Variants in PCDH15 observed in about 807,000 individuals in gnomAD.
The protein encoded by PCDH15 is protocadherin related 15, also known as protocadherin-15.
Under a neutral mutation model 178.5 loss-of-function variants are expected in PCDH15, and 129 were observed. That is an observed-to-expected ratio of 0.72 (90% CI 0.63 to 0.84). The LOEUF is 0.84. PCDH15 is among the 40% of genes least tolerant of loss of function. The pLI is 0.00. For synonymous variants in PCDH15, 800 were observed against 732.0 expected (o/e 1.09, Z -1.50); for missense variants, 2,230 against 2,099.9 (o/e 1.06, Z -1.21).
chr10:53,888,821 TC>T lies in PCDH15; in HGVS notation c.3501+14421del, dbSNP rs2081360254. 2.7e-5 allele frequency among the ~76,000 whole-genome samples: 4 copies of T among 148,824 alleles called. No individual in the cohort carries two copies. In the South Asian group the frequency reaches 8.5e-4, roughly 31 times the overall value. On this transcript the variant is annotated intron_variant, in intron 26 of 37. Transcript: ENST00000644397. ...AAAAATAAGCAGAAGACTTACACTA[TC>T]AGATATTATAAAACTATAGTAATTC...
At chr10:55,197,126 A>T (rs1840114739) in intron 1 of PCDH15, among the ~76,000 whole-genome samples, 1 of 152,006 alleles carries the variant, frequency 6.6e-6, no homozygotes, top group Admixed American at 6.5e-5. Context: ...AAACAATTTT[A>T]TTTAGCTTAA....
In PCDH15 at chr10:54,377,975, T is replaced by C. The variant is rs146250110; in HGVS notation, c.318+807A>G. On this transcript the variant is annotated intron_variant, in intron 4 of 37. Transcript: ENST00000644397. ...GCTCTGCTGTCCTGGCTGGAGTGCA[T>C]TGGTGTGATCATAGTTCACTGCAGC... Among the ~76,000 whole-genome samples the C allele has an allele frequency of 6.0e-3, 919 of 152,074 alleles. 6 individuals carry two copies. The highest frequency in any genetic ancestry group is 0.021 in the African/African-American group (890 of 41,504).
At chr10:54,685,235 C>T (rs987051716) in intron 1 of PCDH15, among the ~76,000 whole-genome samples, 1 of 152,004 alleles carries the variant, frequency 6.6e-6, no homozygotes, top group Non-Finnish European at 1.5e-5. Flanking sequence ...TGGAATATCT[C>T]TTGAAGAACC....
chr10:55,355,654 G>A (rs1407447585), intron 2 of PCDH15, among the ~76,000 whole-genome samples: 1 of 151,752 alleles, frequency 6.6e-6, no homozygotes, highest in Admixed American at 6.6e-5. Context: ...CAATTCTCTT[G>A]TTAATATGTG....
chr10:54,838,896 T>C (rs1953368497), intron 3 of PCDH15, among the ~76,000 whole-genome samples: 1 of 152,120 alleles, frequency 6.6e-6, no homozygotes, highest in South Asian at 2.1e-4. Flanking sequence ...CCAGACAGGA[T>C]TCATGCCCAC....
At position 54,183,497 on chromosome 10, in the gene PCDH15, A is replaced by C. The variant is rs876657951; in HGVS notation, c.1537T>G (p.Ser513Ala). The change falls in exon 13 of 38, where the codon TCC becomes GCC. Residue 513 changes from serine (S) to alanine (A), a missense_variant. Physicochemically the swap from Ser to Ala is moderately conservative, Grantham distance 99 (BLOSUM62 1). Transcript: ENST00000644397. ...NDNTPTFPEI[S>A]YDVYVYTDMR... Reference sequence around the variant, plus strand: ...TCTGTATAAACATACACATCATAGGATATTTCAGGGAAGGTTGGCGTGTTA... The same window carrying C: ...TCTGTATAAACATACACATCATAGGCTATTTCAGGGAAGGTTGGCGTGTTA... The C allele has an allele frequency of 1.2e-6, 2 of 1,613,722 alleles. No individual in the cohort carries two copies. The highest frequency in any genetic ancestry group is 1.7e-6 in the Non-Finnish European group (2 of 1,179,778).
rs541721141 is a variant in PCDH15 at position 54,767,398 on chromosome 10, G to A, written c.-29+33527C>T. ...TAAGTGTTTAGATCAATTAATAAATGAGGGAGTAGAGGAAAAGCCTCCCAT... is the reference window on the plus strand; with the variant it reads ...TAAGTGTTTAGATCAATTAATAAATAAGGGAGTAGAGGAAAAGCCTCCCAT... On this transcript the variant is annotated intron_variant, in intron 1 of 37. Transcript: ENST00000644397. Among the ~76,000 whole-genome samples the A allele has an allele frequency of 1.7e-4, 26 of 152,208 alleles. No individual in the cohort carries two copies. In the South Asian group the frequency reaches 5.4e-3, roughly 32 times the overall value.
intron 2 of PCDH15, among the ~76,000 whole-genome samples, chr10:55,119,066 T>A (rs1837699141): frequency 6.6e-6 from 1 of 152,166 alleles, no homozygotes; most frequent in Admixed American, 6.5e-5. Context: ...TGGTTTACCA[T>A]CACATCCTTT....
chr10:54,570,994 G>T (rs1449062041), intron 2 of PCDH15, among the ~76,000 whole-genome samples: 4 of 151,800 alleles, frequency 2.6e-5, no homozygotes, highest in Non-Finnish European at 5.9e-5. Context: ...TTGCAGCCCT[G>T]ATGATGAATT....
chr10:54,394,398 C>G (rs539714223), intron 3 of PCDH15, among the ~76,000 whole-genome samples: 1 of 151,988 alleles, frequency 6.6e-6, no homozygotes, highest in Non-Finnish European at 1.5e-5. Flanking sequence ...TAAACCTGGG[C>G]GTCCAGGGGA....
At chr10:55,057,010 T>A (rs1841324088) in intron 2 of PCDH15, among the ~76,000 whole-genome samples, 1 of 152,140 alleles carries the variant, frequency 6.6e-6, no homozygotes, top group Non-Finnish European at 1.5e-5. Flanking sequence ...TCCCCTATAT[T>A]TAATCACAAT....
intron 1 of PCDH15, among the ~76,000 whole-genome samples, chr10:54,708,815 T>A (rs1432685630): frequency 6.9e-6 from 1 of 144,814 alleles, no homozygotes; most frequent in Non-Finnish European, 1.5e-5. Context: ...CGCGCGTGCG[T>A]GTGGTCATCT....
intron 1 of PCDH15, among the ~76,000 whole-genome samples, chr10:55,299,273 G>T (rs929049146): frequency 1.3e-5 from 2 of 152,042 alleles, no homozygotes; most frequent in Non-Finnish European, 2.9e-5. Context: ...TCTCATGGAG[G>T]TCATTAAAAT....
intron 2 of PCDH15, among the ~76,000 whole-genome samples, chr10:54,998,753 T>C (rs1298851467): frequency 6.6e-6 from 1 of 152,186 alleles, no homozygotes; most frequent in Non-Finnish European, 1.5e-5. Context: ...CTAAATTTGC[T>C]ATTCTGTTTA....
chr10:54,065,908 T>C (rs1032441381), intron 18 of PCDH15, among the ~76,000 whole-genome samples: 4 of 152,162 alleles, frequency 2.6e-5, no homozygotes, highest in Non-Finnish European at 1.5e-5. Flanking sequence ...GTTATAAGAA[T>C]AGCAGAACAG....
chr10:53,959,190 T>C lies in PCDH15; in HGVS notation c.3122+542A>G, dbSNP rs191000462. On this transcript the variant is annotated intron_variant, in intron 23 of 37. Coordinates refer to ENST00000644397, the MANE Select transcript of PCDH15 (RefSeq NM_001384140.1). ...TGTATATATAGTGTGTATATATATA[T>C]ACACACAGTATATATATAAATTTAT... Among the ~76,000 whole-genome samples, 416 of 148,744 alleles carry C rather than the reference T, an allele frequency of 2.8e-3. 3 individuals are homozygous for C. Among genetic ancestry groups the C allele is most frequent in the African/African-American group, 9.3e-3 (381 of 40,754 alleles).
intron 31 of PCDH15, 84 bp downstream of exon 31, chr10:53,828,481 A>G: frequency 8.6e-7 from 1 of 1,167,650 alleles, no homozygotes; most frequent in South Asian, 1.2e-5. Flanking sequence ...TGTGGTTCTG[A>G]GCAGGCTGAC....
rs117517215 is a variant in PCDH15, at chr10:55,236,003, C to T, written c.-155-69352G>A. ...AGTATAGATTACCTTTAATGTAAAACTGCTGGAACACAAAGATAATAGAAA... is the reference window on the plus strand; with the variant it reads ...AGTATAGATTACCTTTAATGTAAAATTGCTGGAACACAAAGATAATAGAAA... On this transcript the variant is annotated intron_variant, in intron 1 of 5. Transcript: ENST00000458638. Among the ~76,000 whole-genome samples the T allele has an allele frequency of 4.3e-3, 642 of 148,712 alleles. 3 individuals are homozygous for T. The highest frequency in any genetic ancestry group is 6.6e-3 in the Non-Finnish European group (444 of 67,322).
At chr10:54,937,981 C>A (rs1001850343) in intron 2 of PCDH15, among the ~76,000 whole-genome samples, 1 of 151,958 alleles carries the variant, frequency 6.6e-6, no homozygotes, top group Non-Finnish European at 1.5e-5. Context: ...TCTTAGTTTT[C>A]CATTGTTGTC....
Sources: gnomAD v4.1 joint callset for allele counts (sites outside exome capture counted in the v4.1 genomes callset) on GRCh38, gnomAD v4.1.1 for gene constraint, MANE v1.5 for transcripts, NCBI Gene and HGNC (gene_info 2026-07-23, HGNC 2026-07-21) for gene names.